The following CFAP69 variants were observed in gnomAD, a reference collection of about 807,000 sequenced individuals.
CFAP69 encodes the protein cilia- and flagella-associated protein 69.
CFAP69 carries 92 observed loss-of-function variants against 123.0 expected under a neutral mutation model. That is an observed-to-expected ratio of 0.75 (90% CI 0.63 to 0.89). The LOEUF is 0.89. Among genes scored for constraint, CFAP69 ranks in the 40% least tolerant of loss-of-function variants. CFAP69 has a pLI of 0.00. For missense variants in CFAP69, 1,067 were observed against 1,096.9 expected (o/e 0.97, Z 0.39); for synonymous variants, 380 against 364.3 (o/e 1.04, Z -0.49).
chr7:90,245,401 C>T lies in CFAP69; in HGVS notation c.-24C>T. ...ACTGTAGGACAGGAAGATCCCCCCA[C>T]TCTCCACCCCGCCGCCACCGGCCAT... On this transcript the variant is annotated 5_prime_UTR_variant, in exon 1 of 23. Transcript: ENST00000389297. The T allele has an allele frequency of 6.5e-7, 1 of 1,530,342 alleles. No homozygotes were observed. The highest frequency in any genetic ancestry group is 2.1e-5 in the Admixed American group (1 of 47,632). The allele number at this position is 1,530,342 out of a possible 1,614,324, so 94.8% of individuals were successfully genotyped here. A position where few individuals can be genotyped will look rare whatever the true frequency, so the allele number is the denominator to read the frequency against.
intron 19 of CFAP69, among the ~76,000 whole-genome samples, chr7:90,306,099 T>C (rs1793542149): frequency 1.1e-5 from 1 of 88,664 alleles, no homozygotes; most frequent in African/African-American, 4.6e-5. Flanking sequence ...TGTACCCCCA[T>C]ACCCAGCTTT....
At chr7:90,284,258 G>A (rs1361547371) in intron 13 of CFAP69, among the ~76,000 whole-genome samples, 1 of 149,570 alleles carries the variant, frequency 6.7e-6, no homozygotes, top group Non-Finnish European at 1.5e-5. Context: ...TAACATGGCT[G>A]TGTAGTAGTA....
intron 17 of CFAP69, chr7:90,303,158 C>A (rs1352507412): frequency 1.3e-5 from 2 of 152,142 alleles, no homozygotes; most frequent in Non-Finnish European, 2.9e-5. Context: ...CACTTTTGTA[C>A]ATTGATTTCG....
chr7:90,309,302 A>G lies in CFAP69; in HGVS notation c.2590A>G (p.Arg864Gly), dbSNP rs967352950. ...SLQEKAIEAS[R>G]YHKRPQNAIF... is the part of the protein sequence containing the mutation. ...TCAAGAAAAAGCTATAGAAGCCTCCAGATACCATAAACGACCACAAAATGC... is the reference window on the plus strand; with the variant it reads ...TCAAGAAAAAGCTATAGAAGCCTCCGGATACCATAAACGACCACAAAATGC... Residue 864 changes from arginine to glycine, a missense_variant, in exon 22 of 23, where the codon AGA (arginine) becomes GGA (glycine). By Grantham distance (125) the Arg-to-Gly change is moderately radical. Coordinates refer to ENST00000389297, the MANE Select transcript of CFAP69 (RefSeq NM_001039706.3). The G allele has an allele frequency of 1.3e-6, 2 of 1,589,268 alleles. No homozygotes were observed. The highest frequency in any genetic ancestry group is 3.5e-5 in the Admixed American group (2 of 56,708).
chr7:90,281,973 A>C (rs1372440344), intron 12 of CFAP69, among the ~76,000 whole-genome samples: 1 of 152,230 alleles, frequency 6.6e-6, no homozygotes, highest in Non-Finnish European at 1.5e-5. Context: ...CCAAATTTTC[A>C]AAAAACATTG....
Position 90,309,598 on chromosome 7 carries a change from G to A in CFAP69, c.2655+231G>A, listed in dbSNP as rs549141303. ...GGCCCCCAAAATATTATGTCAATGG[G>A]ATTTTCATCTCACATTTTTTCTTTT... On this transcript the variant is annotated intron_variant, in intron 22 of 22. Transcript: ENST00000389297. 6.3e-4 allele frequency among the ~76,000 whole-genome samples: 96 copies of A among 151,612 alleles called. No homozygotes were observed. In the Middle Eastern group the frequency reaches 0.01, roughly 16 times the overall value.
chr7:90,305,646 A>G (rs11763381), intron 19 of CFAP69, among the ~76,000 whole-genome samples: 132,307 of 151,600 alleles, frequency 0.87, 57,867 homozygotes, highest in East Asian at 1. Flanking sequence ...CAAGGTCAGG[A>G]GTTCGAGACC....
the CFAP69 span, chr7:90,317,201 T>C: frequency 6.6e-6 from 1 of 152,156 alleles, no homozygotes; most frequent in African/African-American, 2.4e-5. Context: ...AACTTTTTAC[T>C]CCTGTCACAT....
At chr7:90,245,666 C>T (rs1796240826) in intron 1 of CFAP69, 122 bp downstream of exon 1, 7 of 1,254,896 alleles carry the variant, frequency 5.6e-6, no homozygotes, top group Non-Finnish European at 7.4e-6. Flanking sequence ...GGGGAAGCCG[C>T]GGGATGGAGA....
chr7:90,321,863 A>G, the CFAP69 span, among the ~76,000 whole-genome samples: 1 of 152,164 alleles, frequency 6.6e-6, no homozygotes, highest in African/African-American at 2.4e-5. Flanking sequence ...TATGTTGTCC[A>G]TCAATCTCAG....
intron 21 of CFAP69, 57 bp from the exon 22 acceptor site, chr7:90,309,206 C>T: frequency 1.2e-6 from 1 of 809,564 alleles, no homozygotes; most frequent in Non-Finnish European, 2.0e-6. Context: ...ATTGTAAGTA[C>T]CATCATTACT....
chr7:90,252,486 G>A (rs1030853398), intron 1 of CFAP69, among the ~76,000 whole-genome samples: 1 of 152,162 alleles, frequency 6.6e-6, no homozygotes, highest in Admixed American at 6.5e-5. Context: ...TGGGCAACAT[G>A]GCGACACTCT....
intron 15 of CFAP69, among the ~76,000 whole-genome samples, chr7:90,290,753 T>G (rs367945529): frequency 5.2e-3 from 11 of 2,134 alleles, no homozygotes; most frequent in African/African-American, 0.013. Flanking sequence ...GTCTTTTCTT[T>G]TCTTTTCTTT....
intron 13 of CFAP69, among the ~76,000 whole-genome samples, chr7:90,284,160 TTTC>T (rs1789908017): frequency 6.6e-6 from 1 of 152,152 alleles, no homozygotes; most frequent in Non-Finnish European, 1.5e-5. Flanking sequence ...CAATGGTTTT[TTTC>T]TTCTTAGAAC....
At chr7:90,283,405 A>G (rs1380376951) in intron 13 of CFAP69, among the ~76,000 whole-genome samples, 12 of 152,218 alleles carry the variant, frequency 7.9e-5, no homozygotes, top group Non-Finnish European at 1.5e-5. Context: ...AACATGGCAT[A>G]TTCCAATGCA....
At chr7:90,300,525 A>C in intron 17 of CFAP69, 1 of 667,940 alleles carries the variant, frequency 1.5e-6, no homozygotes, top group Non-Finnish European at 1.8e-6. Context: ...ATTGTTTCCT[A>C]AATAAAAATA....
Position 90,286,376 on chromosome 7 carries a change from T to C in CFAP69, c.1633T>C (p.Cys545Arg). The change falls in exon 14 of 23, where the codon TGT becomes CGT. Residue 545 changes from cysteine to arginine, a missense_variant. Physicochemically the swap from Cys to Arg is radical, Grantham distance 180. Transcript: ENST00000389297. ...SDILLILSGL[C>R]ENHIQRKEIF... ...TATATTACTTATCCTATCTGGCCTT[T>C]GTGAGAATCACATTCAAAGGAAGGT... The C allele has an allele frequency of 6.2e-7, 1 of 1,612,108 alleles. No homozygotes were observed. Among genetic ancestry groups the C allele is most frequent in the Non-Finnish European group, 8.5e-7 (1 of 1,179,344 alleles).
chr7:90,246,423 C>G (rs1458909407), intron 1 of CFAP69, among the ~76,000 whole-genome samples: 2 of 152,184 alleles, frequency 1.3e-5, no homozygotes, highest in Non-Finnish European at 2.9e-5. Context: ...AAATCTCAGG[C>G]TGCGTCAGGA....
chr7:90,303,710 A>T, intron 17 of CFAP69: 1 of 1,022,894 alleles, frequency 9.8e-7, no homozygotes, highest in South Asian at 4.6e-5. Flanking sequence ...TAGAAGTTTT[A>T]CTTTTAAAAA....
Sources: gnomAD v4.1 joint callset for allele counts (sites outside exome capture counted in the v4.1 genomes callset) on GRCh38, gnomAD v4.1.1 for gene constraint, MANE v1.5 for transcripts, NCBI Gene and HGNC (gene_info 2026-07-23, HGNC 2026-07-21) for gene names.